The following SP4 variants were observed in gnomAD, a reference collection of about 807,000 sequenced individuals.
SP4 encodes Sp4 transcription factor.
A neutral mutation model predicts 72.8 loss-of-function variants in SP4; 19 were observed. The ratio of observed to expected loss-of-function variants is 0.26; its 90% confidence interval spans 0.18 to 0.38. SP4 has a LOEUF of 0.38. SP4 is among the 10% of genes least tolerant of loss of function. The pLI is 1.00. For missense variants in SP4, 1,008 were observed against 926.3 expected (o/e 1.09, Z -1.14); for synonymous variants, 395 against 333.1 (o/e 1.19, Z -2.02).
Position 21,430,186 on chromosome 7 carries a change from T to C in SP4, c.1021T>C (p.Ser341Pro). ...SLTSSDTLVS[S>P]ADTGQYASTS... ...GACAAGCAGTGACACATTAGTGAGC[T>C]CAGCAGATACTGGCCAGTATGCAAG... is the stretch of plus-strand genomic sequence containing the variant. Residue 341 changes from serine to proline, a missense_variant, in exon 3 of 6, where the codon TCA becomes CCA. This residue lies in a region of SP4 where 893 missense variants were observed against 743.3 expected (regional missense o/e 1.20). Coordinates refer to ENST00000222584, the MANE Select transcript of SP4 (RefSeq NM_003112.5). 1 of 1,614,168 alleles carries C rather than the reference T, an allele frequency of 6.2e-7. No individual in the cohort carries two copies. Among genetic ancestry groups the C allele is most frequent in the Non-Finnish European group, 8.5e-7 (1 of 1,180,036 alleles).
chr7:21,478,299 G>A (rs758394408), intron 4 of SP4, among the ~76,000 whole-genome samples: 20 of 152,176 alleles, frequency 1.3e-4, no homozygotes, highest in Non-Finnish European at 2.4e-4. Context: ...CCCACTGGCC[G>A]TTATGAATAA....
chr7:21,476,981 TG>T, intron 3 of SP4, 97 bp from the exon 4 acceptor site: 1 of 829,174 alleles, frequency 1.2e-6, no homozygotes, highest in Admixed American at 2.7e-5. Flanking sequence ...TTACACAGAT[TG>T]TTAGAAAAAA....
Position 21,511,258 on chromosome 7 carries a change from G to C in SP4, c.2344G>C (p.Glu782Gln), listed in dbSNP as rs1189909424. ...PATPNVSTNM[E>Q]EF ...AACTCCCAATGTTTCAACCAACATG[G>C]AAGAATTCTGAAAAGTTATTTATAA... Residue 782 changes from glutamate to glutamine, a missense_variant, in exon 6 of 6, where the codon GAA becomes CAA. Transcript: ENST00000222584. The C allele has an allele frequency of 6.2e-7, 1 of 1,613,850 alleles. No homozygotes were observed. The highest frequency in any genetic ancestry group is 8.5e-7 in the Non-Finnish European group (1 of 1,179,850).
chr7:21,473,019 A>C (rs76604900), intron 3 of SP4, among the ~76,000 whole-genome samples: 364 of 152,330 alleles, frequency 2.4e-3, no homozygotes, highest in Admixed American at 7.1e-3. Context: ...TTTGAATGCC[A>C]GACTTTGGTC....
chr7:21,447,560 G>C (rs902714942), intron 3 of SP4, among the ~76,000 whole-genome samples: 12 of 152,208 alleles, frequency 7.9e-5, no homozygotes, highest in Admixed American at 7.9e-4. Context: ...TTAGAACAGT[G>C]GAAACTATTT....
chr7:21,437,391 C>G (rs1017915587), intron 3 of SP4, among the ~76,000 whole-genome samples: 2 of 152,152 alleles, frequency 1.3e-5, no homozygotes, highest in Admixed American at 6.5e-5. Flanking sequence ...GTTGTGGCCT[C>G]TTTGAAGGCT....
chr7:21,459,836 T>C (rs1291324359), intron 3 of SP4, among the ~76,000 whole-genome samples: 1 of 152,348 alleles, frequency 6.6e-6, no homozygotes, highest in Non-Finnish European at 1.5e-5. Context: ...TCCTACTAAG[T>C]CTAAGCACAA....
intron 3 of SP4, among the ~76,000 whole-genome samples, chr7:21,435,195 C>T (rs1783008607): frequency 6.6e-6 from 1 of 152,106 alleles, no homozygotes; most frequent in South Asian, 2.1e-4. Flanking sequence ...ATTTCTTTGT[C>T]AATTTTAGTG....
chr7:21,453,280 C>G (rs1783657874), intron 3 of SP4, among the ~76,000 whole-genome samples: 1 of 151,948 alleles, frequency 6.6e-6, no homozygotes, highest in South Asian at 2.1e-4. Context: ...TTTTCTTTAT[C>G]CTATGTCACA....
At chr7:21,507,530 T>G (rs1207658035) in intron 5 of SP4, among the ~76,000 whole-genome samples, 4 of 152,162 alleles carry the variant, frequency 2.6e-5, no homozygotes, top group Non-Finnish European at 5.9e-5. Context: ...TTTACTAGGC[T>G]CTTTTTCTTC....
intron 3 of SP4, among the ~76,000 whole-genome samples, chr7:21,454,799 T>A (rs1446957073): frequency 6.6e-6 from 1 of 152,182 alleles, no homozygotes; most frequent in Non-Finnish European, 1.5e-5. Flanking sequence ...GAAATGGGGC[T>A]ATTAGACAGA....
chr7:21,450,206 G>A (rs191967402), intron 3 of SP4, among the ~76,000 whole-genome samples: 1 of 152,026 alleles, frequency 6.6e-6, no homozygotes, highest in Admixed American at 6.6e-5. Context: ...AGATTTTCCA[G>A]GATTTCTGTT....
chr7:21,509,030 A>T (rs2128417682), intron 5 of SP4, among the ~76,000 whole-genome samples: 1 of 152,220 alleles, frequency 6.6e-6, no homozygotes, highest in Admixed American at 6.5e-5. Context: ...TGTAAATAAT[A>T]ATCTATTTCA....
chr7:21,442,259 T>TG (rs1554294605), intron 3 of SP4, among the ~76,000 whole-genome samples: 1 of 151,972 alleles, frequency 6.6e-6, no homozygotes, highest in Non-Finnish European at 1.5e-5. Context: ...AGGCTGGTCT[T>TG]GAACTCCTGA....
chr7:21,428,555 G>A, intron 1 of SP4, 122 bp from the exon 2 acceptor site: 1 of 1,046,140 alleles, frequency 9.6e-7, no homozygotes, highest in Non-Finnish European at 1.4e-6. Context: ...GGTGTGCGTG[G>A]ATCGCGGGTT....
chr7:21,438,550 C>G (rs974422969), intron 3 of SP4, among the ~76,000 whole-genome samples: 2 of 151,852 alleles, frequency 1.3e-5, no homozygotes, highest in Non-Finnish European at 2.9e-5. Context: ...TTGGTGAATA[C>G]CAAAACGTTA....
intron 3 of SP4, among the ~76,000 whole-genome samples, chr7:21,460,381 C>T (rs1053532159): frequency 2.6e-5 from 4 of 151,678 alleles, no homozygotes; most frequent in African/African-American, 4.8e-5. Flanking sequence ...AGTCTGGAGT[C>T]GTTTTTTCCT....
chr7:21,498,807 CG>C (rs1236239616), intron 5 of SP4, among the ~76,000 whole-genome samples: 2 of 152,010 alleles, frequency 1.3e-5, no homozygotes, highest in Non-Finnish European at 2.9e-5. Flanking sequence ...ATCGTTAGGC[CG>C]GGTGCGGTGG....
At position 21,430,355 on chromosome 7, in the gene SP4, A is replaced by G. The variant is rs1294382496; in HGVS notation, c.1190A>G (p.Gln397Arg). The G allele has an allele frequency of 6.2e-7, 1 of 1,614,228 alleles. No individual in the cohort carries two copies. The highest frequency in any genetic ancestry group is 8.5e-7 in the Non-Finnish European group (1 of 1,180,048). ...CAATCAAATTCTCTTCAGCAGGTGC[A>G]AATTGTAGGCCAACCTATCTTACAG... Reference protein sequence around the residue: ...QDQSNSLQQVQIVGQPILQQI... With the variant: ...QDQSNSLQQVRIVGQPILQQI... The change falls in exon 3 of 6, where the codon CAA becomes CGA. Residue 397 changes from glutamine (Q) to arginine (R), a missense_variant. Physicochemically the swap from Gln to Arg is conservative, Grantham distance 43. Coordinates refer to ENST00000222584, the MANE Select transcript of SP4 (RefSeq NM_003112.5).
Sources: allele counts gnomAD v4.1 joint callset (sites outside exome capture counted in the v4.1 genomes callset), GRCh38; gene constraint gnomAD v4.1.1; regional missense constraint gnomAD v4.1.1; transcripts MANE v1.5; gene names NCBI Gene and HGNC (gene_info 2026-07-23, HGNC 2026-07-21).